Variants in RASGRF2 observed in about 807,000 individuals in gnomAD.
The protein encoded by RASGRF2 is Ras protein specific guanine nucleotide releasing factor 2, also known as ras-specific guanine nucleotide-releasing factor 2.
RASGRF2 carries 76 observed loss-of-function variants against 151.0 expected under a neutral mutation model. The ratio of observed to expected loss-of-function variants is 0.50; its 90% CI spans 0.42 to 0.61. The LOEUF (loss-of-function observed/expected upper bound fraction) is 0.61, where lower values mean the gene tolerates loss of function less well. Ranked by LOEUF, RASGRF2 falls within the 20% of genes least tolerant of loss-of-function variation. The pLI is 0.00. For missense variants in RASGRF2, 1,148 were observed against 1,564.6 expected (o/e 0.73, Z 4.49); for synonymous variants, 504 against 566.5 (o/e 0.89, Z 1.57).
At chr5:80,994,494 T>A (rs947364785) in intron 1 of RASGRF2, among the ~76,000 whole-genome samples, 8 of 152,156 alleles carry the variant, frequency 5.3e-5, no homozygotes, top group South Asian at 2.1e-4. Flanking sequence ...GTCCTAGTCC[T>A]AATCTGTAAG....
intron 1 of RASGRF2, among the ~76,000 whole-genome samples, chr5:81,024,644 T>A (rs184588586): frequency 2.6e-5 from 4 of 152,096 alleles, no homozygotes; most frequent in Admixed American, 2.6e-4. Flanking sequence ...AGGACTGTGG[T>A]AGGGGGAGGT....
Position 81,108,961 on chromosome 5 carries a change from A to T in RASGRF2, c.1756-35A>T, listed in dbSNP as rs368483028. ...GAATATATGATCTGCCTAGGCTTTCATGTGGGTTGTAATTGTCAACTTTTT... is the reference window on the plus strand; with the variant it reads ...GAATATATGATCTGCCTAGGCTTTCTTGTGGGTTGTAATTGTCAACTTTTT... On this transcript the variant is annotated intron_variant, in intron 12 of 26. Coordinates refer to ENST00000265080, the MANE Select transcript of RASGRF2 (RefSeq NM_006909.3). The T allele has an allele frequency of 1.9e-6, 3 of 1,585,030 alleles. No individual in the cohort carries two copies. In the African/African-American group the frequency reaches 4.1e-5, roughly 21 times the overall value.
At chr5:81,064,988 T>C (rs747123601) in intron 2 of RASGRF2, among the ~76,000 whole-genome samples, 3 of 152,124 alleles carry the variant, frequency 2.0e-5, no homozygotes, top group Non-Finnish European at 2.9e-5. Context: ...TGAGAAATGT[T>C]CTCCCACTGG....
chr5:80,969,733 G>A (rs138163556), intron 1 of RASGRF2, among the ~76,000 whole-genome samples: 2 of 151,212 alleles, frequency 1.3e-5, no homozygotes, highest in Admixed American at 6.6e-5. Flanking sequence ...TTACAGGCGT[G>A]AGCCACTGCG....
At chr5:81,034,353 A>C (rs1259093697) in intron 1 of RASGRF2, among the ~76,000 whole-genome samples, 1 of 152,186 alleles carries the variant, frequency 6.6e-6, no homozygotes. Context: ...TGTTGGTGGG[A>C]CGGTAAACTA....
intron 17 of RASGRF2, among the ~76,000 whole-genome samples, chr5:81,152,254 G>A (rs2434253): frequency 0.4 from 61,341 of 151,870 alleles, 13,254 homozygotes; most frequent in East Asian, 0.8. Flanking sequence ...CGCCTGCCTC[G>A]GCCTCCCAAA....
In RASGRF2 at chr5:80,960,998, G is replaced by A; in HGVS notation, c.260G>A (p.Gly87Glu). ...CCACCCAGGGCCGGCGCCGGGCAGG[G>A]AGGCGTCCGAGACGCGCTGGACAAG... ...PAPPRAGAGQ[G>E]GVRDALDKQY... The change falls in exon 1 of 27, where the codon GGA becomes GAA. Residue 87 changes from glycine (G) to glutamate (E), a missense_variant. By Grantham distance (98) the Gly-to-Glu change is moderately conservative. Transcript: ENST00000265080. The surrounding 1 kb of genome is among the most constrained non-coding windows in gnomAD (Gnocchi z 5.5). The A allele has an allele frequency of 6.5e-7, 1 of 1,527,270 alleles. No homozygotes were observed. The highest frequency in any genetic ancestry group is 2.4e-4 in the Middle Eastern group (1 of 4,084). The allele number at this position is 1,527,270 out of a possible 1,614,324, so 94.6% of individuals were successfully genotyped here.
chr5:81,133,181 A>G (rs1377185443), intron 17 of RASGRF2, among the ~76,000 whole-genome samples: 1 of 152,078 alleles, frequency 6.6e-6, no homozygotes, highest in Admixed American at 6.5e-5. Context: ...TAATATGCAC[A>G]CTCTTCTGGT....
Position 81,059,256 on chromosome 5 carries a change from C to T in RASGRF2, c.396-8776C>T, listed in dbSNP as rs182223514. 1.6e-3 allele frequency among the ~76,000 whole-genome samples: 236 copies of T among 151,922 alleles called. 7 individuals are homozygous for T. In the East Asian group the frequency reaches 0.043, roughly 27 times the overall value. On this transcript the variant is annotated intron_variant, in intron 2 of 26. Coordinates refer to ENST00000265080, the MANE Select transcript of RASGRF2 (RefSeq NM_006909.3). Reference sequence around the variant, plus strand: ...AAAATTAGCCGGGCCTGGTGGCAGGCGCCTGTAGTCCCAGCTACTAGGGAG... The same window carrying T: ...AAAATTAGCCGGGCCTGGTGGCAGGTGCCTGTAGTCCCAGCTACTAGGGAG...
At chr5:81,139,968 T>C (rs1210801383) in intron 17 of RASGRF2, among the ~76,000 whole-genome samples, 1 of 152,038 alleles carries the variant, frequency 6.6e-6, no homozygotes, top group Admixed American at 6.6e-5. Context: ...GCTGGTACTA[T>C]AGTTATGCAC....
At chr5:81,146,114 G>A (rs1753998988) in intron 17 of RASGRF2, among the ~76,000 whole-genome samples, 2 of 152,162 alleles carry the variant, frequency 1.3e-5, no homozygotes, top group Non-Finnish European at 2.9e-5. Context: ...TGTATTTCAA[G>A]GTTCCCGAAC....
At chr5:81,097,599 G>T (rs766811281) in intron 12 of RASGRF2, among the ~76,000 whole-genome samples, 3 of 152,130 alleles carry the variant, frequency 2.0e-5, no homozygotes, top group Non-Finnish European at 4.4e-5. Context: ...TTAAATGGTG[G>T]TCACCTCATT....
At chr5:81,168,017 G>A (rs931845712) in intron 17 of RASGRF2, among the ~76,000 whole-genome samples, 1 of 152,102 alleles carries the variant, frequency 6.6e-6, no homozygotes, top group African/African-American at 2.4e-5. Flanking sequence ...CTTGGCTGAT[G>A]ATCTTGTCTC....
At chr5:81,010,826 C>A (rs989461633) in intron 1 of RASGRF2, among the ~76,000 whole-genome samples, 23 of 152,194 alleles carry the variant, frequency 1.5e-4, no homozygotes, top group African/African-American at 5.6e-4. Flanking sequence ...TTTTTAATAG[C>A]CAGACATGTC....
In RASGRF2 at chr5:81,182,296, A is replaced by G. The variant is rs570070535; in HGVS notation, c.2793+2015A>G. ...TTTCGTTCACTGATGTGCCCAAGGA[A>G]GTTCTTCCCATAAGGTCTTTCCTTA... On this transcript the variant is annotated intron_variant, in intron 18 of 26. Coordinates refer to ENST00000265080, the MANE Select transcript of RASGRF2 (RefSeq NM_006909.3). Among the ~76,000 whole-genome samples the G allele has an allele frequency of 2.0e-5, 3 of 152,302 alleles. No homozygotes were observed. The South Asian group carries it at 6.2e-4, about 32-fold the overall frequency.
At chr5:80,978,742 G>A (rs1356843960) in intron 1 of RASGRF2, among the ~76,000 whole-genome samples, 6 of 151,876 alleles carry the variant, frequency 4.0e-5, no homozygotes, top group African/African-American at 1.2e-4. Flanking sequence ...AGCCAAGATC[G>A]TGCCATTGCA....
rs144833016 is a variant in RASGRF2, at chr5:81,165,018, C to A, written c.2687-15157C>A. ...GACATGAAAGACAGGCGGAGCCAATCCGCAGCCTGCCAGTGTGGAGGGTTC... is the reference window on the plus strand; with the variant it reads ...GACATGAAAGACAGGCGGAGCCAATACGCAGCCTGCCAGTGTGGAGGGTTC... On this transcript the variant is annotated intron_variant, in intron 17 of 26. Transcript: ENST00000265080. 2.0e-3 allele frequency among the ~76,000 whole-genome samples: 312 copies of A among 152,354 alleles called. 1 individual carries two copies. The highest frequency in any genetic ancestry group is 7.2e-3 in the African/African-American group (300 of 41,586).
chr5:81,136,433 T>G (rs2112590706), intron 17 of RASGRF2, among the ~76,000 whole-genome samples: 1 of 152,334 alleles, frequency 6.6e-6, no homozygotes, highest in East Asian at 1.9e-4. Flanking sequence ...CTTGGTGGTT[T>G]TTTTCTTTTA....
chr5:81,080,514 A>T (rs1442047395), intron 6 of RASGRF2, 82 bp from the exon 7 acceptor site: 37 of 1,374,468 alleles, frequency 2.7e-5, no homozygotes, highest in Non-Finnish European at 3.7e-5. Flanking sequence ...TGGTGCTGGG[A>T]CCCACTCTTT....
Sources: gnomAD v4.1 joint callset for allele counts (sites outside exome capture counted in the v4.1 genomes callset) on GRCh38, gnomAD v4.1.1 for gene constraint, Gnocchi (gnomAD v3.1) non-coding constraint, MANE v1.5 for transcripts, NCBI Gene and HGNC (gene_info 2026-07-23, HGNC 2026-07-21) for gene names.